Variants in CDK19 observed in about 807,000 individuals in gnomAD.
CDK19 encodes cyclin dependent kinase 19, also known as cyclin-dependent kinase 19.
CDK19 carries 20 observed loss-of-function variants against 68.3 expected under a neutral mutation model. That is an observed-to-expected ratio of 0.29 (90% CI 0.21 to 0.43). The LOEUF (loss-of-function observed/expected upper bound fraction) is 0.43, where lower values mean the gene tolerates loss of function less well. Ranked by LOEUF, CDK19 falls within the 20% of genes least tolerant of loss-of-function variation. CDK19 has a pLI of 1.00. For missense variants in CDK19, 339 were observed against 623.5 expected (o/e 0.54, Z 4.86); for synonymous variants, 221 against 222.8 (o/e 0.99, Z 0.07).
intron 2 of CDK19, among the ~76,000 whole-genome samples, chr6:110,714,325 G>T (rs1775200179): frequency 1.3e-5 from 2 of 152,174 alleles, no homozygotes; most frequent in African/African-American, 4.8e-5. Flanking sequence ...TGATGGATAC[G>T]ACAGTTATTT....
intron 2 of CDK19, among the ~76,000 whole-genome samples, chr6:110,719,774 A>C (rs1775683635): frequency 6.6e-6 from 1 of 152,128 alleles, no homozygotes; most frequent in Non-Finnish European, 1.5e-5. Flanking sequence ...TCTGTCACAC[A>C]GGCTGGGGTG....
chr6:110,756,988 A>G (rs1778881475), intron 1 of CDK19, among the ~76,000 whole-genome samples: 1 of 152,216 alleles, frequency 6.6e-6, no homozygotes, highest in South Asian at 2.1e-4. Flanking sequence ...AGTAACTGTG[A>G]TCACAAAGGG....
At chr6:110,746,350 T>C in intron 1 of CDK19, 149 bp from the exon 2 acceptor site, 1 of 483,084 alleles carries the variant, frequency 2.1e-6, no homozygotes. Context: ...TTTGATAATA[T>C]TTCAACTACA....
In CDK19 at chr6:110,629,655, T is replaced by C. The variant is rs895831291; in HGVS notation, c.646+2375A>G. ...AGACATGAGGCACCTTGCCCGGCCC[T>C]AAGTACTCATTTCTAACATGGACCA... On this transcript the variant is annotated intron_variant, in intron 6 of 12. Coordinates refer to ENST00000368911, the MANE Select transcript of CDK19 (RefSeq NM_015076.5). 5.3e-5 allele frequency among the ~76,000 whole-genome samples: 8 copies of C among 152,278 alleles called. No individual in the cohort carries two copies. The East Asian group carries it at 1.4e-3, about 26-fold the overall frequency.
intron 2 of CDK19, among the ~76,000 whole-genome samples, chr6:110,681,954 G>A (rs779546486): frequency 4.6e-5 from 7 of 152,188 alleles, no homozygotes; most frequent in Non-Finnish European, 1.0e-4. Flanking sequence ...ATAATCTACA[G>A]TTAGAATTCT....
At chr6:110,635,173 G>C (rs1779682171) in intron 5 of CDK19, among the ~76,000 whole-genome samples, 1 of 152,218 alleles carries the variant, frequency 6.6e-6, no homozygotes, top group South Asian at 2.1e-4. Flanking sequence ...CTACCACTAA[G>C]GAGTTTACAG....
chr6:110,768,404 G>A (rs3021291), intron 1 of CDK19, among the ~76,000 whole-genome samples: 1,858 of 152,288 alleles, frequency 0.012, 29 homozygotes, highest in African/African-American at 0.043. Context: ...ACCCAAAGAA[G>A]ATGAAAACAT....
chr6:110,650,567 T>C (rs1406311110), intron 4 of CDK19, among the ~76,000 whole-genome samples: 6 of 152,176 alleles, frequency 3.9e-5, no homozygotes, highest in Admixed American at 6.5e-5. Context: ...GAGGGTATAA[T>C]TGTCAGCATT....
intron 2 of CDK19, among the ~76,000 whole-genome samples, chr6:110,681,526 T>C (rs1772015637): frequency 6.6e-6 from 1 of 152,132 alleles, no homozygotes; most frequent in Non-Finnish European, 1.5e-5. Flanking sequence ...TTTCCAGAAA[T>C]CCACCTACCA....
intron 4 of CDK19, among the ~76,000 whole-genome samples, chr6:110,652,015 A>C (rs1444243913): frequency 6.6e-6 from 1 of 152,122 alleles, no homozygotes; most frequent in East Asian, 1.9e-4. Flanking sequence ...TGGAGGTTGC[A>C]GTGAGCTGAG....
chr6:110,659,861 C>T (rs1207875390), intron 4 of CDK19, among the ~76,000 whole-genome samples: 2 of 152,092 alleles, frequency 1.3e-5, no homozygotes, highest in Non-Finnish European at 2.9e-5. Context: ...CAACCAGAAC[C>T]GCCGCTAGAT....
At chr6:110,794,437 C>G (rs1226010766) in intron 1 of CDK19, among the ~76,000 whole-genome samples, 4 of 142,294 alleles carry the variant, frequency 2.8e-5, no homozygotes, top group African/African-American at 1.0e-4. Flanking sequence ...GCGTCTCACT[C>G]TGTCACCAGG....
intron 4 of CDK19, chr6:110,645,816 A>G: frequency 3.3e-6 from 2 of 603,292 alleles, no homozygotes; most frequent in Non-Finnish European, 6.2e-6. Context: ...AGACGGAGGG[A>G]TGGCCGCGCA....
At chr6:110,633,441 C>T (rs1292440404) in intron 5 of CDK19, among the ~76,000 whole-genome samples, 1 of 152,132 alleles carries the variant, frequency 6.6e-6, no homozygotes, top group South Asian at 2.1e-4. Flanking sequence ...ACAGCAAATG[C>T]TACAAATTGG....
At chr6:110,750,579 T>C (rs932221276) in intron 1 of CDK19, among the ~76,000 whole-genome samples, 2 of 152,214 alleles carry the variant, frequency 1.3e-5, no homozygotes, top group Non-Finnish European at 2.9e-5. Context: ...CAGAAGATTC[T>C]GTAGCTTATA....
At chr6:110,800,514 C>G (rs527271609) in intron 1 of CDK19, among the ~76,000 whole-genome samples, 1 of 152,146 alleles carries the variant, frequency 6.6e-6, no homozygotes, top group Non-Finnish European at 1.5e-5. Context: ...AAGAAAACTA[C>G]AGGCCAATAT....
At chr6:110,652,325 C>T (rs1781025099) in intron 4 of CDK19, among the ~76,000 whole-genome samples, 1 of 151,826 alleles carries the variant, frequency 6.6e-6, no homozygotes, top group Admixed American at 6.6e-5. Context: ...TAGGTGATTC[C>T]AAAAAAATAA....
At chr6:110,686,969 C>T (rs1772546187) in intron 2 of CDK19, among the ~76,000 whole-genome samples, 1 of 152,120 alleles carries the variant, frequency 6.6e-6, no homozygotes, top group Non-Finnish European at 1.5e-5. Flanking sequence ...GAGGCCAAGG[C>T]AGGAGGATTG....
At chr6:110,684,322 A>G (rs2114535763) in intron 2 of CDK19, among the ~76,000 whole-genome samples, 1 of 151,776 alleles carries the variant, frequency 6.6e-6, no homozygotes, top group African/African-American at 2.4e-5. Flanking sequence ...TTGATTTTGC[A>G]TTGCTATAAG....
Sources: allele counts gnomAD v4.1 joint callset (sites outside exome capture counted in the v4.1 genomes callset), GRCh38; gene constraint gnomAD v4.1.1; transcripts MANE v1.5; gene names NCBI Gene and HGNC (gene_info 2026-07-23, HGNC 2026-07-21).